MAP3K19: variants seen among roughly 807,000 people sequenced by gnomAD.
The protein encoded by MAP3K19 is mitogen-activated protein kinase kinase kinase 19.
A neutral mutation model predicts 114.4 loss-of-function variants in MAP3K19; 91 were observed. The observed-to-expected ratio is 0.80, with a 90% CI of 0.67 to 0.95. The LOEUF (loss-of-function observed/expected upper bound fraction) is 0.95. Ranked by LOEUF, MAP3K19 falls within the 40% of genes least tolerant of loss-of-function variation. The pLI is 0.00. For missense variants in MAP3K19, 1,471 were observed against 1,573.2 expected, an observed-to-expected ratio of 0.94 and a Z score of 1.10; for synonymous variants, 518 against 530.5, an observed-to-expected ratio of 0.98 and a Z score of 0.32.
intron 6 of MAP3K19, among the ~76,000 whole-genome samples, chr2:135,003,807 G>C (rs988554545): frequency 6.6e-6 from 1 of 152,154 alleles, no homozygotes; most frequent in Non-Finnish European, 1.5e-5. Context: ...GCCCACCTTG[G>C]CCTCCCAAAG....
chr2:135,042,863 C>T (rs1029562457), intron 1 of MAP3K19, among the ~76,000 whole-genome samples: 2 of 152,170 alleles, frequency 1.3e-5, no homozygotes, highest in Non-Finnish European at 2.9e-5. Context: ...GAGGGGATCA[C>T]CTGAGTTCGG....
intron 12 of MAP3K19, among the ~76,000 whole-genome samples, chr2:134,968,493 C>A (rs1340504551): frequency 1.4e-3 from 147 of 107,582 alleles, no homozygotes; most frequent in Middle Eastern, 5.0e-3. Flanking sequence ...GGGGGGCTGA[C>A]CCCCCACCTC....
At chr2:135,003,968 T>C (rs1346572529) in intron 6 of MAP3K19, among the ~76,000 whole-genome samples, 1 of 152,280 alleles carries the variant, frequency 6.6e-6, no homozygotes, top group East Asian at 1.9e-4. Context: ...CTGAAGTCTC[T>C]ATCAACTGTG....
chr2:134,991,605 G>T lies in MAP3K19; in HGVS notation c.575-25C>A, dbSNP rs771840406. ...TCTACAACAAGAAAAACAATAACTG[G>T]ATATTCTTAGTAGTAGAAAGAAAAC... On this transcript the variant is annotated intron_variant, in intron 8 of 12. Transcript: ENST00000392915. 1.7e-5 allele frequency: 27 copies of T among 1,591,612 alleles called. No individual in the cohort carries two copies. The East Asian group carries it at 6.0e-4, about 36-fold the overall frequency.
At chr2:135,023,602 A>G in intron 4 of MAP3K19, 2 of 512,072 alleles carry the variant, frequency 3.9e-6, no homozygotes, top group Middle Eastern at 3.2e-4. Context: ...CAAGTTTCTC[A>G]GCGGTTGTCT....
chr2:135,003,701 C>T (rs6753639), intron 6 of MAP3K19, among the ~76,000 whole-genome samples: 38,360 of 151,840 alleles, frequency 0.25, 6,028 homozygotes, highest in African/African-American at 0.41. Context: ...ATTACAGGTG[C>T]GCACCACCAC....
chr2:135,019,188 C>T (rs185588662), intron 5 of MAP3K19, among the ~76,000 whole-genome samples: 109 of 151,994 alleles, frequency 7.2e-4, no homozygotes, highest in Non-Finnish European at 1.1e-3. Context: ...TCCTGGGCTT[C>T]GGTGAACAAT....
At position 134,985,922 on chromosome 2, in the gene MAP3K19, C is replaced by A; in HGVS notation, c.2950G>T (p.Asp984Tyr). The change falls in exon 10 of 13, where the codon GAT becomes TAT. Residue 984 changes from aspartate (D) to tyrosine (Y), a missense_variant. Asp to Tyr is a radical substitution (Grantham distance 160). Coordinates refer to ENST00000392915, the MANE Select transcript of MAP3K19 (RefSeq NM_025052.5). ...AAELLALDEK[D>Y]NNSCQKMANE... The stretch of plus-strand genomic sequence containing the variant: ...GCCATTTTTTGGCAAGAGTTGTTAT[C>A]TTTCTCATCAAGAGCTAATAATTCT... The A allele has an allele frequency of 6.2e-7, 1 of 1,614,078 alleles. No individual in the cohort carries two copies. Among genetic ancestry groups the A allele is most frequent in the East Asian group, 2.2e-5 (1 of 44,854 alleles).
Position 134,986,662 on chromosome 2 carries a change from T to G in MAP3K19, c.2210A>C (p.Lys737Thr). The G allele has an allele frequency of 6.2e-7, 1 of 1,614,182 alleles. No homozygotes were observed. The highest frequency in any genetic ancestry group is 8.5e-7 in the Non-Finnish European group (1 of 1,180,028). The change falls in exon 10 of 13, where the codon AAA (lysine) becomes ACA (threonine). Residue 737 changes from lysine (K) to threonine (T), a missense_variant. Physicochemically the swap from Lys to Thr is moderately conservative, Grantham distance 78. Coordinates refer to ENST00000392915, the MANE Select transcript of MAP3K19 (RefSeq NM_025052.5). The stretch of plus-strand genomic sequence containing the variant: ...ACTCTTTTCTTTAGAAATTAAGACT[T>G]TGTGCTCTTGTTTAATGCCAAATGA... ...KTSFGIKQEH[K>T]VLISKEKSSK...
At chr2:134,985,303 A>G (rs2105220111) in intron 10 of MAP3K19, among the ~76,000 whole-genome samples, 1 of 152,378 alleles carries the variant, frequency 6.6e-6, no homozygotes, top group East Asian at 1.9e-4. Context: ...TTTGCATTAA[A>G]GTAGTGAATC....
At chr2:135,014,914 T>C (rs868012277) in intron 5 of MAP3K19, among the ~76,000 whole-genome samples, 6 of 152,378 alleles carry the variant, frequency 3.9e-5, no homozygotes, top group East Asian at 3.9e-4. Context: ...TTACACTATG[T>C]GAATATACCA....
chr2:134,998,873 C>A lies in MAP3K19; in HGVS notation c.439G>T (p.Glu147Ter). The A allele has an allele frequency of 6.2e-7, 1 of 1,614,194 alleles. No individual in the cohort carries two copies. The highest frequency in any genetic ancestry group is 8.5e-7 in the Non-Finnish European group (1 of 1,180,036). Residue 147 changes from glutamate (E) to a stop codon, truncating the protein, a stop_gained, in exon 8 of 13, where the codon GAA (glutamate) becomes TAA (stop). Coordinates refer to ENST00000392915, the MANE Select transcript of MAP3K19 (RefSeq NM_025052.5). LOFTEE classifies it high-confidence loss of function. ...ACATTGCAGAGCTCCCTGGAACTTT[C>A]CTCTTTTTGCAAAACTAAGGGCCGC... ...TMRPLVLQKE[E>*]SSRELCNVNL...
chr2:135,024,609 GGAGT>G lies in MAP3K19; in HGVS notation c.22+13_22+16del. The G allele has an allele frequency of 7.4e-6, 12 of 1,611,106 alleles. No individual in the cohort carries two copies. Among genetic ancestry groups the G allele is most frequent in the Non-Finnish European group, 1.0e-5 (12 of 1,177,516 alleles). ...TTTTGGGTTGGGAAATTATGCATGT[GGAGT>G]GAAAGTATTTACCTGGTTTTGGCAT... On this transcript the variant is annotated intron_variant, in intron 4 of 12. Transcript: ENST00000392915.
At chr2:135,039,042 G>A (rs1487335254) in intron 2 of MAP3K19, among the ~76,000 whole-genome samples, 1 of 151,890 alleles carries the variant, frequency 6.6e-6, no homozygotes, top group Non-Finnish European at 1.5e-5. Context: ...CATATACAGA[G>A]AGGGCTTTTG....
intron 5 of MAP3K19, among the ~76,000 whole-genome samples, chr2:135,018,301 A>AAAAAAAAAAAACAC (rs1253233950): frequency 6.6e-6 from 1 of 151,738 alleles, no homozygotes; most frequent in Non-Finnish European, 1.5e-5. Context: ...AAAAAAAAAA[A>AAAAAAAAAAAACAC]AAAGAATTGA....
At chr2:134,991,409 G>A (rs1034937869) in intron 9 of MAP3K19, 128 bp downstream of exon 9, 3 of 788,942 alleles carry the variant, frequency 3.8e-6, no homozygotes, top group Non-Finnish European at 6.8e-6. Flanking sequence ...CTGTGTTGGG[G>A]ACATCAGTGA....
In MAP3K19 at chr2:134,991,526, A is replaced by T. The variant is rs745712852; in HGVS notation, c.618+11T>A. ...TAATTCTCAAGTCAAAAATGCTAGC[A>T]CTAATCTTACCTTGATGCTTCGGCC... On this transcript the variant is annotated intron_variant, in intron 9 of 12. Coordinates refer to ENST00000392915, the MANE Select transcript of MAP3K19 (RefSeq NM_025052.5). 135 of 1,612,036 alleles carry T rather than the reference A, an allele frequency of 8.4e-5. 3 individuals carry two copies. The South Asian group carries it at 1.5e-3, about 18-fold the overall frequency.
chr2:135,017,319 C>T (rs959914720), intron 5 of MAP3K19, among the ~76,000 whole-genome samples: 3 of 152,196 alleles, frequency 2.0e-5, no homozygotes, highest in Non-Finnish European at 4.4e-5. Context: ...AGAAAAGAAT[C>T]TTCCAGTCTT....
At chr2:135,042,501 CAAAAA>C (rs1168430275) in intron 1 of MAP3K19, among the ~76,000 whole-genome samples, 1 of 58,774 alleles carries the variant, frequency 1.7e-5, no homozygotes, top group African/African-American at 5.9e-5. Context: ...GACTCTGTCT[CAAAAA>C]AAAAAAAAAA....
Sources: allele counts gnomAD v4.1 joint callset (sites outside exome capture counted in the v4.1 genomes callset), GRCh38; gene constraint gnomAD v4.1.1; transcripts MANE v1.5; gene names NCBI Gene and HGNC (gene_info 2026-07-23, HGNC 2026-07-21).